The following EHBP1 variants were observed in gnomAD, a reference collection of about 807,000 sequenced individuals.
EHBP1 encodes the protein EH domain-binding protein 1.
A neutral mutation model predicts 144.0 loss-of-function variants in EHBP1; 55 were observed. The ratio of observed to expected loss-of-function variants is 0.38; its 90% CI spans 0.31 to 0.48. The LOEUF (loss-of-function observed/expected upper bound fraction) is 0.48, where lower values mean the gene tolerates loss of function less well. Among genes scored for constraint, EHBP1 ranks in the 20% least tolerant of loss-of-function variants. The pLI is 0.98. For synonymous variants in EHBP1, 469 were observed against 472.7 expected (o/e 0.99, Z 0.10); for missense variants, 1,200 against 1,364.2 (o/e 0.88, Z 1.90).
chr2:62,909,850 C>T (rs1440438631), intron 10 of EHBP1, among the ~76,000 whole-genome samples: 1 of 152,224 alleles, frequency 6.6e-6, no homozygotes, highest in Admixed American at 6.5e-5. Flanking sequence ...CTCCACCTCT[C>T]GGGTTCAAGT....
chr2:62,730,763 GAGAC>G (rs1458643252), intron 2 of EHBP1, among the ~76,000 whole-genome samples: 2 of 104,384 alleles, frequency 1.9e-5, no homozygotes, highest in Non-Finnish European at 4.0e-5. Context: ...AAGAAAGAGA[GAGAC>G]AGACAAAGAG....
intron 10 of EHBP1, among the ~76,000 whole-genome samples, chr2:62,890,092 C>T (rs1244541630): frequency 6.6e-6 from 1 of 151,748 alleles, no homozygotes; most frequent in Non-Finnish European, 1.5e-5. Context: ...TCCCGAGTAG[C>T]TGGGACTACA....
At chr2:62,697,297 A>G (rs1295952317) in intron 1 of EHBP1, among the ~76,000 whole-genome samples, 1 of 152,274 alleles carries the variant, frequency 6.6e-6, no homozygotes, top group Non-Finnish European at 1.5e-5. Flanking sequence ...TTAAAAACAT[A>G]AATTGTAAAC....
intron 7 of EHBP1, chr2:62,858,301 T>C (rs2049231587): frequency 1.5e-6 from 1 of 675,790 alleles, no homozygotes; most frequent in Non-Finnish European, 2.6e-6. Context: ...TTCTGTTGAT[T>C]AACCAAACAT....
intron 7 of EHBP1, among the ~76,000 whole-genome samples, chr2:62,838,188 A>G (rs1294215073): frequency 6.6e-6 from 1 of 152,158 alleles, no homozygotes; most frequent in Admixed American, 6.5e-5. Flanking sequence ...TAAGAATCCC[A>G]CTCAAAGCCG....
At chr2:62,961,412 T>C (rs899823091) in intron 14 of EHBP1, among the ~76,000 whole-genome samples, 5 of 152,236 alleles carry the variant, frequency 3.3e-5, no homozygotes, top group African/African-American at 1.2e-4. Context: ...GAGACAGATT[T>C]CATTGCTCTG....
chr2:62,992,595 T>C (rs189657860), intron 16 of EHBP1, among the ~76,000 whole-genome samples: 3 of 152,318 alleles, frequency 2.0e-5, no homozygotes, highest in Admixed American at 6.5e-5. Flanking sequence ...ACTTGGGTTT[T>C]AATTTTTTTT....
At chr2:62,893,799 C>T (rs2052649872) in intron 10 of EHBP1, among the ~76,000 whole-genome samples, 1 of 152,040 alleles carries the variant, frequency 6.6e-6, no homozygotes, top group Non-Finnish European at 1.5e-5. Flanking sequence ...ACCCCAGCTC[C>T]TTGGAAGGCC....
intron 7 of EHBP1, among the ~76,000 whole-genome samples, chr2:62,852,791 G>A (rs2048770932): frequency 6.6e-6 from 1 of 152,100 alleles, no homozygotes; most frequent in African/African-American, 2.4e-5. Context: ...TACAGTGACT[G>A]CAAGAGGCAG....
intron 10 of EHBP1, among the ~76,000 whole-genome samples, chr2:62,877,585 A>G (rs1425831811): frequency 5.9e-5 from 9 of 152,192 alleles, no homozygotes; most frequent in African/African-American, 2.2e-4. Context: ...AAAATCAACC[A>G]CATGCTCAGT....
chr2:62,700,428 T>C (rs903103060), intron 1 of EHBP1, among the ~76,000 whole-genome samples: 5 of 152,108 alleles, frequency 3.3e-5, no homozygotes, highest in African/African-American at 1.2e-4. Context: ...AGCATCACTA[T>C]GTTGGGGGAA....
At chr2:63,017,968 A>G (rs1233037846) in intron 19 of EHBP1, among the ~76,000 whole-genome samples, 1 of 152,186 alleles carries the variant, frequency 6.6e-6, no homozygotes, top group Admixed American at 6.5e-5. Flanking sequence ...GTTGAAGACA[A>G]GCCTGGGCAA....
At chr2:62,760,337 A>T (rs572334206) in intron 3 of EHBP1, among the ~76,000 whole-genome samples, 1 of 152,324 alleles carries the variant, frequency 6.6e-6, no homozygotes, top group African/African-American at 2.4e-5. Flanking sequence ...CCCAGAAGGA[A>T]TATCAAAAAG....
rs953658234 is a variant in EHBP1 at position 62,764,204 on chromosome 2, G to A, written c.163-62G>A. ...ATATTGAAGGTATCATTTTATTCTG[G>A]TAAATTACTAACATTGCATTTCCCA... On this transcript the variant is annotated intron_variant, in intron 3 of 22. Coordinates refer to ENST00000431489, the MANE Select transcript of EHBP1 (RefSeq NM_001142616.3). The A allele has an allele frequency of 9.1e-6, 11 of 1,203,184 alleles. No individual in the cohort carries two copies. The African/African-American group carries it at 1.4e-4, about 16-fold the overall frequency. 74.5% of individuals were successfully genotyped at this position (1,203,184 alleles called of 1,614,324 possible).
chr2:62,949,475 C>T (rs1248429659), intron 13 of EHBP1, among the ~76,000 whole-genome samples: 1 of 151,992 alleles, frequency 6.6e-6, no homozygotes, highest in Non-Finnish European at 1.5e-5. Flanking sequence ...GCCTAAAAAT[C>T]CCAATTTCAA....
intron 21 of EHBP1, among the ~76,000 whole-genome samples, chr2:63,043,309 A>T (rs1439236788): frequency 2.0e-5 from 3 of 152,166 alleles, no homozygotes; most frequent in Non-Finnish European, 2.9e-5. Context: ...TTATTTTTTA[A>T]ATTATTATAT....
chr2:62,901,890 A>G (rs2053443840), intron 10 of EHBP1, among the ~76,000 whole-genome samples: 1 of 151,838 alleles, frequency 6.6e-6, no homozygotes, highest in African/African-American at 2.4e-5. Flanking sequence ...TCTTGAGCCC[A>G]GGAGGTTGAG....
chr2:62,954,734 CTA>C (rs1221871355), intron 13 of EHBP1, among the ~76,000 whole-genome samples: 1 of 151,892 alleles, frequency 6.6e-6, no homozygotes, highest in East Asian at 1.9e-4. Context: ...TGAACCAAAA[CTA>C]TGCAATGAAA....
chr2:62,825,840 G>T, intron 5 of EHBP1, among the ~76,000 whole-genome samples: 1 of 151,990 alleles, frequency 6.6e-6, no homozygotes, highest in East Asian at 1.9e-4. Context: ...CTGGTGTTTA[G>T]GGTTGTTCTA....
Sources: gnomAD v4.1 joint callset for allele counts (sites outside exome capture counted in the v4.1 genomes callset) on GRCh38, gnomAD v4.1.1 for gene constraint, MANE v1.5 for transcripts, NCBI Gene and HGNC (gene_info 2026-07-23, HGNC 2026-07-21) for gene names.